Variants in PTTG1IP observed in about 807,000 individuals in gnomAD.
The protein encoded by PTTG1IP is pituitary tumor-transforming gene 1 protein-interacting protein.
In PTTG1IP, 16 loss-of-function variants were observed where a neutral mutation model predicts 24.4. That is an observed-to-expected ratio of 0.66 (90% CI 0.44 to 1.00). The LOEUF (loss-of-function observed/expected upper bound fraction) is 1.00, where lower values mean the gene tolerates loss of function less well. PTTG1IP is among the 50% of genes least tolerant of loss of function. The probability of loss-of-function intolerance (pLI) is 0.00; values close to 1 mark genes in which losing one functional copy is unlikely to be tolerated. For missense variants in PTTG1IP, 241 were observed against 245.8 expected, an observed-to-expected ratio of 0.98 and a Z score of 0.13; for synonymous variants, 89 against 96.8, an observed-to-expected ratio of 0.92 and a Z score of 0.47.
chr21:44,851,670 C>T (rs376082605), intron 5 of PTTG1IP, 43 bp from the exon 6 acceptor site: 4 of 1,533,876 alleles, frequency 2.6e-6, no homozygotes, highest in East Asian at 4.6e-5. Context: ...TTCATTCAAC[C>T]AGAAACAAAA....
intron 1 of PTTG1IP, among the ~76,000 whole-genome samples, chr21:44,867,790 A>G (rs13050333): frequency 0.068 from 10,406 of 152,352 alleles, 331 homozygotes; most frequent in East Asian, 0.085. Flanking sequence ...GTCCATGTGA[A>G]GAGCTTCATG....
At chr21:44,853,381 A>G (rs1010855353) in intron 5 of PTTG1IP, among the ~76,000 whole-genome samples, 1 of 152,050 alleles carries the variant, frequency 6.6e-6, no homozygotes, top group South Asian at 2.1e-4. Flanking sequence ...AGTGGTGGGC[A>G]CCTGTAGTCC....
At chr21:44,855,602 G>A (rs1349539374) in intron 4 of PTTG1IP, among the ~76,000 whole-genome samples, 1 of 152,214 alleles carries the variant, frequency 6.6e-6, no homozygotes, top group Non-Finnish European at 1.5e-5. Flanking sequence ...AGATGGTGAG[G>A]AAAATGCGAT....
chr21:44,863,327 G>A (rs187618384), intron 2 of PTTG1IP, among the ~76,000 whole-genome samples: 20 of 101,936 alleles, frequency 2.0e-4, no homozygotes, highest in African/African-American at 1.0e-3. Context: ...GCCCACCATA[G>A]CCACTGCTCC....
intron 3 of PTTG1IP, 42 bp downstream of exon 3, chr21:44,861,121 A>C (rs1461677974): frequency 1.3e-6 from 2 of 1,552,474 alleles, no homozygotes; most frequent in South Asian, 1.1e-5. Context: ...ATTTTCAAAG[A>C]AGCATCGATT....
chr21:44,854,885 C>T (rs1436081438), intron 5 of PTTG1IP, among the ~76,000 whole-genome samples: 1 of 152,208 alleles, frequency 6.6e-6, no homozygotes, highest in Non-Finnish European at 1.5e-5. Context: ...ACCTCGGCTA[C>T]GCAGGCGTGC....
intron 4 of PTTG1IP, among the ~76,000 whole-genome samples, chr21:44,855,699 ACAGTT>A (rs2083444298): frequency 1.3e-5 from 2 of 152,144 alleles, no homozygotes; most frequent in African/African-American, 4.8e-5. Flanking sequence ...CGCCAACCTG[ACAGTT>A]GGCCCCTCAG....
At chr21:44,862,309 C>T (rs1410488563) in intron 2 of PTTG1IP, among the ~76,000 whole-genome samples, 1 of 152,216 alleles carries the variant, frequency 6.6e-6, no homozygotes, top group Non-Finnish European at 1.5e-5. Context: ...CACCTGAGGT[C>T]AGAAGTTCGG....
chr21:44,851,733 G>C, intron 5 of PTTG1IP, 106 bp from the exon 6 acceptor site: 2 of 1,364,488 alleles, frequency 1.5e-6, no homozygotes, highest in South Asian at 2.9e-5. Context: ...TGAGGCTATA[G>C]CAACAACGGG....
intron 1 of PTTG1IP, 92 bp downstream of exon 1, chr21:44,873,410 A>G: frequency 2.6e-6 from 3 of 1,158,424 alleles, no homozygotes; most frequent in Non-Finnish European, 3.2e-6. Context: ...CGCCGAGCCC[A>G]GCGCCCTGGC....
chr21:44,854,624 C>A (rs565474717), intron 5 of PTTG1IP, among the ~76,000 whole-genome samples: 2 of 152,350 alleles, frequency 1.3e-5, no homozygotes, highest in Non-Finnish European at 2.9e-5. Context: ...GTATAGATAA[C>A]GTAATGTGTA....
rs755481372 is a variant in PTTG1IP, at chr21:44,856,278, TGCAGCA to T, written c.358_363del (p.Cys120_Cys121del). The T allele has an allele frequency of 6.2e-7, 1 of 1,612,298 alleles. No homozygotes were observed. The highest frequency in any genetic ancestry group is 8.5e-7 in the Non-Finnish European group (1 of 1,178,646). On this transcript the variant is annotated inframe_deletion, in exon 4 of 6. Coordinates refer to ENST00000330938, the MANE Select transcript of PTTG1IP (RefSeq NM_004339.4). ...TCCGGCTTCCGGCTCCTCTTCCTCCTGCAGCAGCAGCAGCAGCAGATGGCAATGCCC... is the reference window on the plus strand; with the variant it reads ...TCCGGCTTCCGGCTCCTCTTCCTCCTGCAGCAGCAGCAGATGGCAATGCCC...
Position 44,872,672 on chromosome 21 carries a change from C to G in PTTG1IP, c.115+830G>C, listed in dbSNP as rs571965460. 9.9e-5 allele frequency among the ~76,000 whole-genome samples: 15 copies of G among 152,244 alleles called. No homozygotes were observed. The East Asian group carries it at 2.3e-3, about 24-fold the overall frequency. On this transcript the variant is annotated intron_variant, in intron 1 of 5. Coordinates refer to ENST00000330938, the MANE Select transcript of PTTG1IP (RefSeq NM_004339.4). The stretch of plus-strand genomic sequence containing the variant: ...GGAAGCCACCCTCTATAAACACTGC[C>G]GGTTTCTGGAACTCTGAGTCTCCTG...
chr21:44,858,916 G>C (rs1396373026), intron 3 of PTTG1IP, among the ~76,000 whole-genome samples: 1 of 152,174 alleles, frequency 6.6e-6, no homozygotes, highest in Non-Finnish European at 1.5e-5. Flanking sequence ...CACATTGCCT[G>C]AGGGAGGCCA....
In PTTG1IP at chr21:44,855,134, A is replaced by G. The variant is rs1037421648; in HGVS notation, c.496+76T>C. 6 of 1,454,876 alleles carry G rather than the reference A, an allele frequency of 4.1e-6. No homozygotes were observed. The African/African-American group carries it at 5.6e-5, about 14-fold the overall frequency. 90.1% of individuals were successfully genotyped at this position (1,454,876 alleles called of 1,614,324 possible). On this transcript the variant is annotated intron_variant, in intron 5 of 5. Transcript: ENST00000330938. ...AACCCACAGCCCCATCTCAGGCCAC[A>G]CTGGCACTAACGAGGACCGAGACAG... is the stretch of plus-strand genomic sequence containing the variant.
rs235314 is a variant in PTTG1IP, at chr21:44,851,537, C to T, written c.*44G>A. The T allele has an allele frequency of 0.51, 830,239 of 1,613,052 alleles. 217,717 individuals carry two copies. The highest frequency in any genetic ancestry group is 0.62 in the South Asian group (56,419 of 91,064). On this transcript the variant is annotated 3_prime_UTR_variant, in exon 6 of 6. Transcript: ENST00000330938. Reference sequence around the variant, plus strand: ...CTCCCGGCTGGGCTGGGCTGCGGAGCGTGCACCTCACAGGAAGCGTCGGGA... The same window carrying T: ...CTCCCGGCTGGGCTGGGCTGCGGAGTGTGCACCTCACAGGAAGCGTCGGGA...
At chr21:44,865,191 A>G (rs1459391710) in intron 2 of PTTG1IP, among the ~76,000 whole-genome samples, 2 of 152,224 alleles carry the variant, frequency 1.3e-5, no homozygotes, top group African/African-American at 2.4e-5. Context: ...CCATGCTCAG[A>G]CAGTAACTGC....
At chr21:44,859,097 G>A (rs1365136543) in intron 3 of PTTG1IP, among the ~76,000 whole-genome samples, 2 of 152,264 alleles carry the variant, frequency 1.3e-5, no homozygotes, top group Non-Finnish European at 2.9e-5. Flanking sequence ...GTCCCTGAGT[G>A]GCAGCATGGC....
intron 1 of PTTG1IP, among the ~76,000 whole-genome samples, chr21:44,867,456 T>C (rs2083551205): frequency 6.6e-6 from 1 of 152,090 alleles, no homozygotes; most frequent in Non-Finnish European, 1.5e-5. Flanking sequence ...AGGCTGAATC[T>C]TCCAGATCGA....
Sources: allele counts gnomAD v4.1 joint callset (sites outside exome capture counted in the v4.1 genomes callset), GRCh38; gene constraint gnomAD v4.1.1; transcripts MANE v1.5; gene names NCBI Gene and HGNC (gene_info 2026-07-23, HGNC 2026-07-21).